CA3: variants seen among roughly 807,000 people sequenced by gnomAD.
The protein encoded by CA3 is carbonic anhydrase 3.
Under a neutral mutation model 35.7 loss-of-function variants are expected in CA3, and 30 were observed. The ratio of observed to expected loss-of-function variants is 0.84; its 90% CI spans 0.63 to 1.14. CA3 has a LOEUF of 1.14. Ranked by LOEUF, CA3 falls within the 50% of genes most tolerant of loss-of-function variation. The pLI is 0.00. For synonymous variants in CA3, 131 were observed against 130.8 expected, an observed-to-expected ratio of 1.00 and a Z score of -0.01; for missense variants, 295 against 328.5, an observed-to-expected ratio of 0.90 and a Z score of 0.79.
In CA3 at chr8:85,439,452, A is replaced by T. The variant is rs532789572; in HGVS notation, c.35-260A>T. On this transcript the variant is annotated intron_variant, in intron 1 of 6. Coordinates refer to ENST00000285381, the MANE Select transcript of CA3 (RefSeq NM_005181.4). ...TGGAAGGTGTCATTGGTTAAAAAAA[A>T]ATGTGATAAAGTTTATCTGAAAAAT... is the stretch of plus-strand genomic sequence containing the variant. Among the ~76,000 whole-genome samples the T allele has an allele frequency of 4.6e-5, 7 of 152,332 alleles. No homozygotes were observed. In the East Asian group the frequency reaches 1.3e-3, roughly 29 times the overall value.
In CA3 at chr8:85,445,204, A is replaced by G. The variant is rs909527553; in HGVS notation, c.493A>G (p.Lys165Glu). ...CCAGATTTTCCTTGATGCATTGGAC[A>G]AGATTAAGACAAAGGTAAACAAAAA... ...EFQIFLDALDKIKTKGKEAPF... is the reference protein window; with the variant it reads ...EFQIFLDALDEIKTKGKEAPF... Residue 165 changes from lysine to glutamate, a missense_variant, in exon 5 of 7, where the codon AAG becomes GAG. Transcript: ENST00000285381. 3.7e-6 allele frequency: 6 copies of G among 1,603,884 alleles called. No individual in the cohort carries two copies. Among genetic ancestry groups the G allele is most frequent in the Non-Finnish European group, 5.1e-6 (6 of 1,172,570 alleles).
Position 85,444,082 on chromosome 8 carries a change from C to G in CA3, c.400C>G (p.Leu134Val). 6.2e-7 allele frequency: 1 copy of G among 1,613,868 alleles called. No individual in the cohort carries two copies. Among genetic ancestry groups the G allele is most frequent in the Non-Finnish European group, 8.5e-7 (1 of 1,179,784 alleles). The change falls in exon 4 of 7, where the codon CTG becomes GTG. Residue 134 changes from leucine to valine, a missense_variant. Coordinates refer to ENST00000285381, the MANE Select transcript of CA3 (RefSeq NM_005181.4). ...GAAGTATAACACTTTTAAAGAAGCC[C>G]TGAAGCAGCGCGATGGGATCGCTGT... Reference protein sequence around the residue: ...NPKYNTFKEALKQRDGIAVIG... With the variant: ...NPKYNTFKEAVKQRDGIAVIG...
chr8:85,448,426 G>T lies in CA3; in HGVS notation c.*273G>T. 1 of 232,912 alleles carries T rather than the reference G, an allele frequency of 4.3e-6. No individual in the cohort carries two copies. The highest frequency in any genetic ancestry group is 8.2e-6 in the Non-Finnish European group (1 of 121,854). The allele number at this position is 232,912 out of a possible 1,614,324, so 14.4% of individuals were successfully genotyped here. A position where few individuals can be genotyped will look rare whatever the true frequency, so the allele number is the denominator to read the frequency against. On this transcript the variant is annotated 3_prime_UTR_variant, in exon 7 of 7. Transcript: ENST00000285381. ...TTTTTGGTAAAGTTTCAAAGAAGAA[G>T]AAACAGAGATGGAAGAGTAAAGATA... is the stretch of plus-strand genomic sequence containing the variant.
chr8:85,446,036 C>G, intron 5 of CA3, 106 bp from the exon 6 acceptor site: 1 of 1,049,954 alleles, frequency 9.5e-7, no homozygotes, highest in Non-Finnish European at 1.4e-6. Context: ...TCTATTTTCT[C>G]TATTGCATTT....
intron 1 of CA3, among the ~76,000 whole-genome samples, chr8:85,439,219 G>T (rs1049711861): frequency 1.3e-5 from 2 of 152,130 alleles, no homozygotes; most frequent in Admixed American, 6.6e-5. Flanking sequence ...TTGCCTCTGA[G>T]AAGTCAGACA....
At chr8:85,441,695 A>C (rs755350121) in intron 2 of CA3, among the ~76,000 whole-genome samples, 89 of 152,212 alleles carry the variant, frequency 5.8e-4, no homozygotes, top group Non-Finnish European at 1.2e-3. Flanking sequence ...TGAAGCCAGC[A>C]TTGGAAACCT....
chr8:85,439,870 A>G lies in CA3; in HGVS notation c.193A>G (p.Thr65Ala). Reference sequence around the variant, plus strand: ...CAAGACCATCCTGAATAATGGGAAGACCTGCCGAGTTGTATTTGATGATAC... The same window carrying G: ...CAAGACCATCCTGAATAATGGGAAGGCCTGCCGAGTTGTATTTGATGATAC... ...SAKTILNNGK[T>A]CRVVFDDTYD... The change falls in exon 2 of 7, where the codon ACC becomes GCC. Residue 65 changes from threonine (T) to alanine (A), a missense_variant. Physicochemically the swap from Thr to Ala is moderately conservative, Grantham distance 58 (BLOSUM62 0). Transcript: ENST00000285381. The G allele has an allele frequency of 6.2e-7, 1 of 1,613,756 alleles. No homozygotes were observed. Among genetic ancestry groups the G allele is most frequent in the Admixed American group, 1.7e-5 (1 of 60,026 alleles).
chr8:85,448,113 AGCCTATCAATAACAGGGTGGT>A lies in CA3; in HGVS notation c.745_765del (p.Pro249_Val255del). ...CTTGTGAGCAACTGGCGACCTCCAC[AGCCTATCAATAACAGGGTGGT>A]GAGAGCTTCCTTCAAATGAGGCTGC... is the stretch of plus-strand genomic sequence containing the variant. On this transcript the variant is annotated inframe_deletion, in exon 7 of 7. Transcript: ENST00000285381. The A allele has an allele frequency of 2.5e-6, 4 of 1,613,572 alleles. No homozygotes were observed. Among genetic ancestry groups the A allele is most frequent in the Non-Finnish European group, 3.4e-6 (4 of 1,179,780 alleles).
chr8:85,446,633 GA>G (rs1811296553), intron 6 of CA3, among the ~76,000 whole-genome samples: 1 of 152,208 alleles, frequency 6.6e-6, no homozygotes, highest in Non-Finnish European at 1.5e-5. Context: ...AAGGAGATGG[GA>G]TGATAAATAC....
chr8:85,447,933 C>T, intron 6 of CA3, 101 bp from the exon 7 acceptor site: 1 of 1,135,726 alleles, frequency 8.8e-7, no homozygotes, highest in East Asian at 2.6e-5. Context: ...ACAAAAAAAC[C>T]AACAACAAAA....
At chr8:85,440,947 T>C (rs2130500328) in intron 2 of CA3, among the ~76,000 whole-genome samples, 1 of 152,300 alleles carries the variant, frequency 6.6e-6, no homozygotes, top group South Asian at 2.1e-4. Context: ...CATATGAAAA[T>C]GCCATTTTTG....
rs533933760 is a variant in CA3 at position 85,442,624 on chromosome 8, G to C, written c.351+433G>C. ...GCTACTCAGGAGGCTGAGGTGGGAG[G>C]ATCACTTGAGCCTGGGAGGTCGAGG... is the stretch of plus-strand genomic sequence containing the variant. On this transcript the variant is annotated intron_variant, in intron 3 of 6. Coordinates refer to ENST00000285381, the MANE Select transcript of CA3 (RefSeq NM_005181.4). Among the ~76,000 whole-genome samples, 418 of 152,212 alleles carry C rather than the reference G, an allele frequency of 2.7e-3. 1 individual carries two copies. The highest frequency in any genetic ancestry group is 5.0e-3 in the Non-Finnish European group (339 of 68,020).
rs750097008 is a variant in CA3, at chr8:85,448,149, A to G, written c.779A>G (p.Lys260Arg). The change falls in exon 7 of 7, where the codon AAA becomes AGA. Residue 260 changes from lysine (K) to arginine (R), a missense_variant. Transcript: ENST00000285381. ...AACAGGGTGGTGAGAGCTTCCTTCA[A>G]ATGAGGCTGCTGGATCTTGCCCTCT... is the stretch of plus-strand genomic sequence containing the variant. ...INNRVVRASF[K>R] is the part of the protein sequence containing the mutation. The G allele has an allele frequency of 6.8e-6, 11 of 1,611,936 alleles. No homozygotes were observed. Among genetic ancestry groups the G allele is most frequent in the Middle Eastern group, 1.7e-4 (1 of 6,056 alleles).
At chr8:85,442,469 T>C (rs1482015189) in intron 3 of CA3, 2 of 289,054 alleles carry the variant, frequency 6.9e-6, no homozygotes, top group Non-Finnish European at 1.3e-5. Flanking sequence ...TCTCAACACT[T>C]TGGGAGGCTG....
intron 5 of CA3, among the ~76,000 whole-genome samples, chr8:85,445,462 G>A (rs1222804046): frequency 2.0e-5 from 3 of 151,874 alleles, no homozygotes; most frequent in Non-Finnish European, 4.4e-5. Context: ...AATGGAGTAA[G>A]TGAGAGTCAG....
At chr8:85,439,439 T>C (rs1261971139) in intron 1 of CA3, among the ~76,000 whole-genome samples, 1 of 152,108 alleles carries the variant, frequency 6.6e-6, no homozygotes, top group African/African-American at 2.4e-5. Context: ...GAAGGTGTCA[T>C]TGGTTAAAAA....
chr8:85,448,160 T>A lies in CA3; in HGVS notation c.*7T>A. 3 of 1,611,096 alleles carry A rather than the reference T, an allele frequency of 1.9e-6. No individual in the cohort carries two copies. The highest frequency in any genetic ancestry group is 2.5e-6 in the Non-Finnish European group (3 of 1,178,672). On this transcript the variant is annotated 3_prime_UTR_variant, in exon 7 of 7. Transcript: ENST00000285381. Reference sequence around the variant, plus strand: ...GAGAGCTTCCTTCAAATGAGGCTGCTGGATCTTGCCCTCTTCAGGAAAGGA... The same window carrying A: ...GAGAGCTTCCTTCAAATGAGGCTGCAGGATCTTGCCCTCTTCAGGAAAGGA...
At chr8:85,439,689 A>T in intron 1 of CA3, 23 bp from the exon 2 acceptor site, 6 of 1,584,884 alleles carry the variant, frequency 3.8e-6, no homozygotes, top group Non-Finnish European at 5.2e-6. Flanking sequence ...AAATAAATAC[A>T]TCTCCTCGAC....
intron 2 of CA3, among the ~76,000 whole-genome samples, chr8:85,440,468 T>A (rs960162500): frequency 1.1e-4 from 17 of 152,208 alleles, no homozygotes; most frequent in African/African-American, 4.1e-4. Context: ...GGGTGAGTAT[T>A]TTTGAAATAT....
Sources: gnomAD v4.1 joint callset for allele counts (sites outside exome capture counted in the v4.1 genomes callset) on GRCh38, gnomAD v4.1.1 for gene constraint, MANE v1.5 for transcripts, NCBI Gene and HGNC (gene_info 2026-07-23, HGNC 2026-07-21) for gene names.